Variants in SBF2 observed in about 807,000 individuals in gnomAD.
SBF2 encodes SET binding factor 2.
A neutral mutation model predicts 225.2 loss-of-function variants in SBF2; 112 were observed. That is an observed-to-expected ratio of 0.50 (90% CI 0.43 to 0.58). SBF2 has a LOEUF of 0.58. Ranked by LOEUF, SBF2 falls within the 20% of genes least tolerant of loss-of-function variation. SBF2 has a pLI of 0.00. For missense variants in SBF2, 1,996 were observed against 2,206.2 expected (o/e 0.90, Z 1.91); for synonymous variants, 763 against 773.3 (o/e 0.99, Z 0.22).
chr11:10,288,732 G>A (rs1299402553), intron 1 of SBF2, among the ~76,000 whole-genome samples: 1 of 152,170 alleles, frequency 6.6e-6, no homozygotes, highest in Non-Finnish European at 1.5e-5. Context: ...TCAGCAGAGA[G>A]GGTAACTCCT....
chr11:10,259,428 G>T (rs1961213076), intron 1 of SBF2, among the ~76,000 whole-genome samples: 1 of 152,308 alleles, frequency 6.6e-6, no homozygotes, highest in East Asian at 1.9e-4. Context: ...TAATTTGCAT[G>T]CATTTCTTTT....
At chr11:10,045,087 G>A (rs1949799826) in intron 2 of SBF2, among the ~76,000 whole-genome samples, 1 of 152,068 alleles carries the variant, frequency 6.6e-6, no homozygotes, top group African/African-American at 2.4e-5. Flanking sequence ...TGTTTGGCAG[G>A]AGGTCCAGTC....
intron 2 of SBF2, among the ~76,000 whole-genome samples, chr11:10,079,755 T>C (rs1230718053): frequency 6.6e-6 from 1 of 152,062 alleles, no homozygotes; most frequent in Non-Finnish European, 1.5e-5. Context: ...GGAAATTACA[T>C]TGCAAGAAAG....
intron 1 of SBF2, among the ~76,000 whole-genome samples, chr11:10,234,804 A>G (rs1287487709): frequency 6.6e-6 from 1 of 152,218 alleles, no homozygotes; most frequent in Non-Finnish European, 1.5e-5. Context: ...CAAAACAGAA[A>G]GAACAAAGGG....
chr11:10,285,335 G>C (rs4491213), intron 1 of SBF2, among the ~76,000 whole-genome samples: 73,964 of 150,448 alleles, frequency 0.49, 18,513 homozygotes, highest in Non-Finnish European at 0.54. Context: ...GAAGGCAAGA[G>C]AAGGAAGAGA....
chr11:9,854,615 C>T (rs1028771101), intron 19 of SBF2, among the ~76,000 whole-genome samples: 19 of 152,168 alleles, frequency 1.2e-4, no homozygotes, highest in Non-Finnish European at 8.8e-5. Context: ...GACAGGGTCT[C>T]ACTCTGTCAC....
chr11:9,911,452 A>T (rs1293046303), intron 16 of SBF2, among the ~76,000 whole-genome samples: 1 of 152,190 alleles, frequency 6.6e-6, no homozygotes, highest in Non-Finnish European at 1.5e-5. Flanking sequence ...ATGGCTATAC[A>T]ATACCGTGGC....
intron 2 of SBF2, among the ~76,000 whole-genome samples, chr11:10,071,905 T>C (rs1950896067): frequency 6.6e-6 from 1 of 152,200 alleles, no homozygotes; most frequent in Non-Finnish European, 1.5e-5. Context: ...TGCCAGTATT[T>C]TATTGAGGAT....
At chr11:9,860,319 G>C (rs533642092) in intron 17 of SBF2, among the ~76,000 whole-genome samples, 2 of 146,254 alleles carry the variant, frequency 1.4e-5, no homozygotes, top group African/African-American at 5.1e-5. Flanking sequence ...CTGGAGTGCA[G>C]TGGCATGATC....
At chr11:10,037,088 A>G (rs962562133) in intron 3 of SBF2, among the ~76,000 whole-genome samples, 2 of 152,180 alleles carry the variant, frequency 1.3e-5, no homozygotes, top group Non-Finnish European at 2.9e-5. Context: ...CCTACAAAAT[A>G]CATCTGTGAG....
rs983138637 is a variant in SBF2 at position 9,904,402 on chromosome 11, A to G, written c.1861-8391T>C. Among the ~76,000 whole-genome samples, 5 of 152,342 alleles carry G rather than the reference A, an allele frequency of 3.3e-5. No homozygotes were observed. In the East Asian group the frequency reaches 5.8e-4, roughly 18 times the overall value. Reference sequence around the variant, plus strand: ...AAATAGCTCAATCTACCAGAAAGCTATAACAATTTAAATGTATATAAACCT... The same window carrying G: ...AAATAGCTCAATCTACCAGAAAGCTGTAACAATTTAAATGTATATAAACCT... On this transcript the variant is annotated intron_variant, in intron 16 of 39. Coordinates refer to ENST00000256190, the MANE Select transcript of SBF2 (RefSeq NM_030962.4).
intron 2 of SBF2, among the ~76,000 whole-genome samples, chr11:10,142,718 T>C (rs1008296460): frequency 2.6e-5 from 4 of 152,186 alleles, no homozygotes; most frequent in African/African-American, 9.7e-5. Flanking sequence ...TATGTGAATA[T>C]CATAAATGAT....
chr11:10,022,824 G>C (rs2134603603), intron 6 of SBF2, among the ~76,000 whole-genome samples: 1 of 152,236 alleles, frequency 6.6e-6, no homozygotes, highest in East Asian at 1.9e-4. Flanking sequence ...TGGGACATTT[G>C]ACTAAGAGAG....
intron 8 of SBF2, among the ~76,000 whole-genome samples, chr11:9,998,613 G>A (rs1162702268): frequency 2.0e-5 from 3 of 152,174 alleles, no homozygotes; most frequent in Non-Finnish European, 4.4e-5. Context: ...CATGAGAAGT[G>A]ACATGTGTTT....
At chr11:10,262,282 T>G (rs1310637595) in intron 1 of SBF2, among the ~76,000 whole-genome samples, 1 of 152,208 alleles carries the variant, frequency 6.6e-6, no homozygotes, top group Non-Finnish European at 1.5e-5. Flanking sequence ...AAAATGTTAA[T>G]TGTACAAAGT....
intron 1 of SBF2, among the ~76,000 whole-genome samples, chr11:10,232,200 G>A (rs1486875063): frequency 2.0e-5 from 3 of 152,308 alleles, no homozygotes; most frequent in Admixed American, 6.5e-5. Flanking sequence ...TCCAGGTGCC[G>A]TCTGTCACCC....
At chr11:10,115,755 C>CT (rs1322856386) in intron 2 of SBF2, among the ~76,000 whole-genome samples, 1 of 152,170 alleles carries the variant, frequency 6.6e-6, no homozygotes, top group Admixed American at 6.5e-5. Flanking sequence ...ATCTTTCACA[C>CT]TTTAATGTTT....
At chr11:9,943,532 G>C (rs1227087015) in intron 16 of SBF2, among the ~76,000 whole-genome samples, 11 of 150,924 alleles carry the variant, frequency 7.3e-5, no homozygotes, top group Non-Finnish European at 1.5e-4. Context: ...AAATCAATGA[G>C]AAAAAAAAGA....
intron 2 of SBF2, among the ~76,000 whole-genome samples, chr11:10,127,558 A>G (rs538066080): frequency 9.9e-5 from 15 of 152,250 alleles, no homozygotes; most frequent in Non-Finnish European, 2.2e-4. Context: ...AGTCTTTCCC[A>G]ATAATTCTAC....
Sources: allele counts gnomAD v4.1 joint callset (sites outside exome capture counted in the v4.1 genomes callset), GRCh38; gene constraint gnomAD v4.1.1; transcripts MANE v1.5; gene names NCBI Gene and HGNC (gene_info 2026-07-23, HGNC 2026-07-21).